The following CA8 variants were observed in gnomAD, a reference collection of about 807,000 sequenced individuals.
The protein encoded by CA8 is carbonic anhydrase 8 (inactive).
In CA8, 22 loss-of-function variants were observed where a neutral mutation model predicts 41.4. The ratio of observed to expected loss-of-function variants is 0.53; its 90% CI spans 0.38 to 0.76. CA8 has a LOEUF of 0.76. Ranked by LOEUF, CA8 falls within the 30% of genes least tolerant of loss-of-function variation. The pLI is 0.00. For missense variants in CA8, 270 were observed against 352.8 expected (o/e 0.77, Z 1.88); for synonymous variants, 121 against 130.6 (o/e 0.93, Z 0.50).
chr8:60,256,547 TACTA>T (rs1188208969), intron 3 of CA8, among the ~76,000 whole-genome samples: 1 of 152,190 alleles, frequency 6.6e-6, no homozygotes, highest in African/African-American at 2.4e-5. Context: ...GCAAATATCT[TACTA>T]ACATCCCTGT....
At chr8:60,202,760 A>G (rs1222413406) in intron 8 of CA8, among the ~76,000 whole-genome samples, 3 of 152,070 alleles carry the variant, frequency 2.0e-5, no homozygotes, top group Non-Finnish European at 4.4e-5. Flanking sequence ...AATGCTTTGG[A>G]TCATTCCAAA....
At chr8:60,270,037 G>A in intron 2 of CA8, among the ~76,000 whole-genome samples, 1 of 152,194 alleles carries the variant, frequency 6.6e-6, no homozygotes, top group East Asian at 1.9e-4. Flanking sequence ...GCTTAAGAGT[G>A]TTCTAGGAGA....
At chr8:60,198,069 A>G (rs1806328437) in intron 8 of CA8, among the ~76,000 whole-genome samples, 1 of 152,162 alleles carries the variant, frequency 6.6e-6, no homozygotes, top group Non-Finnish European at 1.5e-5. Context: ...AGAAGGCAAA[A>G]GATAAACACA....
At chr8:60,239,827 G>A (rs186354177) in intron 3 of CA8, among the ~76,000 whole-genome samples, 366 of 152,302 alleles carry the variant, frequency 2.4e-3, no homozygotes, top group African/African-American at 8.2e-3. Context: ...GATTTCAAAA[G>A]GGGTTTCTTC....
intron 3 of CA8, chr8:60,265,700 C>G (rs1803879999): frequency 1.9e-6 from 1 of 539,370 alleles, no homozygotes; most frequent in Non-Finnish European, 3.3e-6. Flanking sequence ...CTGTAGATTG[C>G]CTTTCTGGCC....
intron 3 of CA8, among the ~76,000 whole-genome samples, chr8:60,237,017 C>CGTT (rs987657933): frequency 8.5e-5 from 13 of 152,164 alleles, no homozygotes; most frequent in Non-Finnish European, 1.9e-4. Flanking sequence ...AAAGCCTAAC[C>CGTT]GCCCAGATAT....
chr8:60,260,303 C>T (rs1387926429), intron 3 of CA8, among the ~76,000 whole-genome samples: 2 of 152,146 alleles, frequency 1.3e-5, no homozygotes, highest in African/African-American at 4.8e-5. Flanking sequence ...TTGGAGGTAG[C>T]AGGGATTCCA....
intron 5 of CA8, among the ~76,000 whole-genome samples, chr8:60,226,163 T>A (rs183001399): frequency 6.6e-6 from 1 of 152,300 alleles, no homozygotes; most frequent in Admixed American, 6.5e-5. Flanking sequence ...TTTATACAAC[T>A]TTCCTATAGC....
At chr8:60,270,994 T>C (rs187266220) in intron 2 of CA8, among the ~76,000 whole-genome samples, 53 of 152,264 alleles carry the variant, frequency 3.5e-4, no homozygotes, top group African/African-American at 1.2e-3. Context: ...ATGATGCAGA[T>C]GACAGGAACT....
intron 3 of CA8, among the ~76,000 whole-genome samples, chr8:60,257,391 G>T (rs970631035): frequency 4.6e-5 from 7 of 152,074 alleles, no homozygotes; most frequent in African/African-American, 7.2e-5. Flanking sequence ...AACACAGCAG[G>T]GTTTACTCTT....
chr8:60,252,672 C>A (rs916326311), intron 3 of CA8, among the ~76,000 whole-genome samples: 1 of 152,092 alleles, frequency 6.6e-6, no homozygotes, highest in Non-Finnish European at 1.5e-5. Context: ...GTTGAGCATC[C>A]CAAATCCAAA....
chr8:60,218,465 C>T (rs146915649), intron 7 of CA8, among the ~76,000 whole-genome samples: 1 of 152,058 alleles, frequency 6.6e-6, no homozygotes. Context: ...TGAATGAATG[C>T]ATGCATTCCT....
intron 3 of CA8, among the ~76,000 whole-genome samples, chr8:60,242,783 T>C (rs1808080553): frequency 6.6e-6 from 1 of 152,182 alleles, no homozygotes; most frequent in South Asian, 2.1e-4. Flanking sequence ...AAGTGCTGGC[T>C]AGAGCAGAAT....
intron 3 of CA8, among the ~76,000 whole-genome samples, chr8:60,263,756 CCT>C (rs1803813658): frequency 6.6e-6 from 1 of 152,146 alleles, no homozygotes; most frequent in South Asian, 2.1e-4. Flanking sequence ...CCACAAGAGC[CCT>C]CTCCTCCTCA....
Position 60,252,375 on chromosome 8 carries a change from A to AAT in CA8, c.417+13548_417+13549dup, listed in dbSNP as rs1299250920. ...AGGCATATAGTACCCTGTGAATATCAATACGTTAAGACCATCGGACTTTAA... is the reference window on the plus strand; with the variant it reads ...AGGCATATAGTACCCTGTGAATATCAATATACGTTAAGACCATCGGACTTTAA... On this transcript the variant is annotated intron_variant, in intron 3 of 8. Coordinates refer to ENST00000317995, the MANE Select transcript of CA8 (RefSeq NM_004056.6). Among the ~76,000 whole-genome samples the AAT allele has an allele frequency of 2.0e-5, 3 of 152,242 alleles. 1 individual carries two copies. Among genetic ancestry groups the AAT allele is most frequent in the Admixed American group, 2.0e-4 (3 of 15,286 alleles).
chr8:60,275,390 T>C (rs573348941), intron 2 of CA8, among the ~76,000 whole-genome samples: 68 of 151,346 alleles, frequency 4.5e-4, no homozygotes, highest in Non-Finnish European at 8.5e-4. Context: ...CAGGTAGGGA[T>C]AGAAAAGAAG....
At position 60,215,358 on chromosome 8, in the gene CA8, T is replaced by TACACACACAC. The variant is rs144232916; in HGVS notation, c.739-6449_739-6440dup. ...AAACACTGTCGTGTGTGTGTGTGTA[T>TACACACACAC]ACACACACACACACACACACACACA... On this transcript the variant is annotated intron_variant, in intron 7 of 8. Transcript: ENST00000317995. 8.3e-4 allele frequency among the ~76,000 whole-genome samples: 119 copies of TACACACACAC among 144,182 alleles called. 2 individuals carry two copies. Among genetic ancestry groups the TACACACACAC allele is most frequent in the South Asian group, 4.0e-3 (17 of 4,234 alleles). 94.6% of individuals were successfully genotyped at this position (144,182 alleles called of 152,430 possible).
At chr8:60,227,820 A>T (rs1388570201) in intron 4 of CA8, among the ~76,000 whole-genome samples, 1 of 152,178 alleles carries the variant, frequency 6.6e-6, no homozygotes, top group East Asian at 1.9e-4. Context: ...ATATCACTAT[A>T]TATTATTAGT....
intron 8 of CA8, among the ~76,000 whole-genome samples, chr8:60,203,822 T>C (rs1563522121): frequency 6.6e-6 from 1 of 152,070 alleles, no homozygotes; most frequent in East Asian, 1.9e-4. Context: ...ACCTAATTCA[T>C]AAAAAAAATT....
Sources: allele counts gnomAD v4.1 joint callset (sites outside exome capture counted in the v4.1 genomes callset), GRCh38; gene constraint gnomAD v4.1.1; transcripts MANE v1.5; gene names NCBI Gene and HGNC (gene_info 2026-07-23, HGNC 2026-07-21).